Variants in SNTG1 observed in about 807,000 individuals in gnomAD.
SNTG1 encodes the protein gamma-1-syntrophin.
A neutral mutation model predicts 74.7 loss-of-function variants in SNTG1; 39 were observed. The observed-to-expected ratio is 0.52, with a 90% CI of 0.40 to 0.68. The LOEUF (loss-of-function observed/expected upper bound fraction) is 0.68. Ranked by LOEUF, SNTG1 falls within the 30% of genes least tolerant of loss-of-function variation. The probability of loss-of-function intolerance (pLI) is 0.00; values close to 1 mark genes in which losing one functional copy is unlikely to be tolerated. For synonymous variants in SNTG1, 254 were observed against 217.1 expected (o/e 1.17, Z -1.49); for missense variants, 685 against 609.5 (o/e 1.12, Z -1.30).
At chr8:49,925,580 G>C (rs1195561736) in intron 1 of SNTG1, among the ~76,000 whole-genome samples, 1 of 151,976 alleles carries the variant, frequency 6.6e-6, no homozygotes. Context: ...AAACTTCCTT[G>C]GTTTATCTGG....
chr8:49,996,914 TAAA>T (rs1315731522), intron 1 of SNTG1, among the ~76,000 whole-genome samples: 5 of 152,148 alleles, frequency 3.3e-5, no homozygotes, highest in African/African-American at 1.2e-4. Context: ...CTTCATAACT[TAAA>T]GAAGAATCTT....
chr8:50,434,993 T>C (rs2093286061), intron 4 of SNTG1, among the ~76,000 whole-genome samples: 1 of 152,138 alleles, frequency 6.6e-6, no homozygotes, highest in African/African-American at 2.4e-5. Flanking sequence ...ATGCCAACTT[T>C]TTTTTGGTGT....
At chr8:49,964,868 T>C (rs1253263788) in intron 1 of SNTG1, among the ~76,000 whole-genome samples, 1 of 152,244 alleles carries the variant, frequency 6.6e-6, no homozygotes, top group African/African-American at 2.4e-5. Flanking sequence ...TGAAGTTTAG[T>C]GTATTTCATT....
intron 1 of SNTG1, among the ~76,000 whole-genome samples, chr8:50,013,768 AT>A (rs1816052487): frequency 6.6e-6 from 1 of 152,042 alleles, no homozygotes; most frequent in Non-Finnish European, 1.5e-5. Context: ...TATATTTAAC[AT>A]TTTTCCTGGG....
intron 2 of SNTG1, among the ~76,000 whole-genome samples, chr8:50,238,651 T>G (rs907725664): frequency 3.3e-5 from 5 of 152,156 alleles, no homozygotes; most frequent in Non-Finnish European, 7.4e-5. Flanking sequence ...TGGGACCTAA[T>G]TAAGCTAAAG....
chr8:50,186,775 T>C (rs937014391), intron 2 of SNTG1, among the ~76,000 whole-genome samples: 2 of 152,166 alleles, frequency 1.3e-5, no homozygotes, highest in African/African-American at 2.4e-5. Flanking sequence ...TCCTTGTAGA[T>C]TGTGGATATT....
intron 18 of SNTG1, among the ~76,000 whole-genome samples, chr8:50,763,654 G>GTGTA (rs1454251735): frequency 2.2e-4 from 20 of 92,388 alleles, no homozygotes; most frequent in African/African-American, 7.7e-4. Flanking sequence ...TTTATTGTGT[G>GTGTA]TGTGTGTGTG....
chr8:50,347,456 G>A (rs949888767), intron 2 of SNTG1, among the ~76,000 whole-genome samples: 7 of 152,182 alleles, frequency 4.6e-5, no homozygotes, highest in Admixed American at 1.3e-4. Context: ...CAAAAGCTCT[G>A]ATGGAAACCT....
intron 1 of SNTG1, among the ~76,000 whole-genome samples, chr8:50,092,491 T>A (rs1262469093): frequency 6.6e-6 from 1 of 152,100 alleles, no homozygotes; most frequent in Non-Finnish European, 1.5e-5. Context: ...GCAGATCCAT[T>A]TCTGGAAAAC....
chr8:50,371,512 T>C (rs535850024), intron 2 of SNTG1, among the ~76,000 whole-genome samples: 1 of 152,334 alleles, frequency 6.6e-6, no homozygotes, highest in African/African-American at 2.4e-5. Flanking sequence ...TCTGATGTTG[T>C]TGGGTGAAGT....
At chr8:50,585,011 G>A (rs1425087813) in intron 12 of SNTG1, among the ~76,000 whole-genome samples, 1 of 152,110 alleles carries the variant, frequency 6.6e-6, no homozygotes, top group Non-Finnish European at 1.5e-5. Context: ...AGAAGGGGCA[G>A]GCATTGGCTC....
At chr8:50,298,772 C>T (rs1423449114) in intron 2 of SNTG1, among the ~76,000 whole-genome samples, 2 of 152,068 alleles carry the variant, frequency 1.3e-5, no homozygotes, top group Admixed American at 1.3e-4. Flanking sequence ...TGACGGCAAA[C>T]ATTTCCTATT....
chr8:50,612,341 C>T (rs188047216), intron 13 of SNTG1, among the ~76,000 whole-genome samples: 495 of 152,186 alleles, frequency 3.3e-3, no homozygotes, highest in Middle Eastern at 6.8e-3. Context: ...CTAGTAGAAT[C>T]CTTGACTACT....
At chr8:49,913,939 T>C (rs1805796931) in intron 1 of SNTG1, among the ~76,000 whole-genome samples, 1 of 152,320 alleles carries the variant, frequency 6.6e-6, no homozygotes, top group South Asian at 2.1e-4. Flanking sequence ...TTTCTCTATG[T>C]GTAACTGAAA....
chr8:50,664,190 A>T (rs2095239514), intron 15 of SNTG1, among the ~76,000 whole-genome samples: 4 of 152,180 alleles, frequency 2.6e-5, no homozygotes. Context: ...ACTCATGGCA[A>T]TTAGCTGAGA....
At chr8:49,947,113 C>T (rs1585616508) in intron 1 of SNTG1, among the ~76,000 whole-genome samples, 1 of 151,822 alleles carries the variant, frequency 6.6e-6, no homozygotes, top group Non-Finnish European at 1.5e-5. Context: ...CAGCCTGGCC[C>T]ACATGGTGAA....
chr8:50,756,940 CAG>C (rs994696716), intron 18 of SNTG1, among the ~76,000 whole-genome samples: 1 of 151,698 alleles, frequency 6.6e-6, no homozygotes, highest in Admixed American at 6.6e-5. Flanking sequence ...TTTGATTTAT[CAG>C]AGTTTGATAG....
chr8:50,522,680 G>A (rs948381741), intron 9 of SNTG1, among the ~76,000 whole-genome samples: 1 of 150,732 alleles, frequency 6.6e-6, no homozygotes, highest in African/African-American at 2.4e-5. Flanking sequence ...TGAGGTTCAA[G>A]CAATTCTCCT....
intron 13 of SNTG1, among the ~76,000 whole-genome samples, chr8:50,597,873 T>A (rs1314348457): frequency 6.6e-6 from 1 of 152,076 alleles, no homozygotes; most frequent in Non-Finnish European, 1.5e-5. Context: ...TTGAGAAATG[T>A]CTATTCAGAT....
Sources: gnomAD v4.1 joint callset for allele counts (sites outside exome capture counted in the v4.1 genomes callset) on GRCh38, gnomAD v4.1.1 for gene constraint, MANE v1.5 for transcripts, NCBI Gene and HGNC (gene_info 2026-07-23, HGNC 2026-07-21) for gene names.